Variants in SGCD observed in about 807,000 individuals in gnomAD.
SGCD encodes the protein sarcoglycan delta.
Under a neutral mutation model 36.6 loss-of-function variants are expected in SGCD, and 18 were observed. The ratio of observed to expected loss-of-function variants is 0.49; its 90% CI spans 0.34 to 0.73. The LOEUF is 0.73. SGCD is among the 30% of genes least tolerant of loss of function. The pLI is 0.01. For synonymous variants in SGCD, 133 were observed against 130.6 expected, an observed-to-expected ratio of 1.02 and a Z score of -0.12; for missense variants, 387 against 346.7, an observed-to-expected ratio of 1.12 and a Z score of -0.92.
intron 3 of SGCD, among the ~76,000 whole-genome samples, chr5:156,273,143 A>C (rs533751001): frequency 1.3e-5 from 2 of 152,302 alleles, no homozygotes; most frequent in African/African-American, 4.8e-5. Context: ...GGGGGTGGGC[A>C]TGAGGTACAC....
the SGCD span, among the ~76,000 whole-genome samples, chr5:155,820,467 C>T: frequency 4.6e-5 from 7 of 151,852 alleles, no homozygotes; most frequent in Non-Finnish European, 8.8e-5. Context: ...CGAGACTAGC[C>T]TGGGCAACAT....
At chr5:156,514,630 C>T (rs914747961) in intron 4 of SGCD, among the ~76,000 whole-genome samples, 15 of 152,156 alleles carry the variant, frequency 9.9e-5, no homozygotes, top group African/African-American at 3.6e-4. Context: ...TGAAAACCAG[C>T]ATATAGAATT....
At chr5:156,332,632 C>T (rs573685282) in intron 2 of SGCD, among the ~76,000 whole-genome samples, 5 of 152,218 alleles carry the variant, frequency 3.3e-5, no homozygotes, top group Admixed American at 6.5e-5. Context: ...TTCATTCTCT[C>T]AGAGAACACT....
chr5:155,757,694 C>CAG, the SGCD span, among the ~76,000 whole-genome samples: 1 of 152,178 alleles, frequency 6.6e-6, no homozygotes, highest in Non-Finnish European at 1.5e-5. Context: ...TCTTCAGGAT[C>CAG]AGAGTTCCTT....
At chr5:156,021,859 T>C (rs1759107942) in intron 1 of SGCD, among the ~76,000 whole-genome samples, 1 of 152,184 alleles carries the variant, frequency 6.6e-6, no homozygotes, top group South Asian at 2.1e-4. Flanking sequence ...AAATGATCTT[T>C]TTAACATAAT....
chr5:155,784,603 G>A, the SGCD span, among the ~76,000 whole-genome samples: 3 of 149,920 alleles, frequency 2.0e-5, no homozygotes, highest in African/African-American at 7.4e-5. Context: ...CCATGGGGCT[G>A]TGTTGGTTCT....
chr5:156,069,166 G>A (rs955496106), intron 1 of SGCD, among the ~76,000 whole-genome samples: 1 of 152,056 alleles, frequency 6.6e-6, no homozygotes, highest in Admixed American at 6.5e-5. Context: ...TGTTGCCATT[G>A]CTTTTGGTGT....
At chr5:156,031,028 A>G (rs149839200) in intron 1 of SGCD, among the ~76,000 whole-genome samples, 336 of 152,306 alleles carry the variant, frequency 2.2e-3, no homozygotes, top group South Asian at 6.2e-3. Context: ...ATCTGTCACC[A>G]TCTACTCAGT....
intron 7 of SGCD, among the ~76,000 whole-genome samples, chr5:156,716,287 T>C (rs1373542648): frequency 6.6e-6 from 1 of 152,326 alleles, no homozygotes; most frequent in Non-Finnish European, 1.5e-5. Flanking sequence ...TACTCAAACC[T>C]CACCACTTCC....
chr5:155,822,204 A>G, the SGCD span, among the ~76,000 whole-genome samples: 1 of 152,340 alleles, frequency 6.6e-6, no homozygotes, highest in South Asian at 2.1e-4. Flanking sequence ...TAAGACATGA[A>G]ACACATATTA....
chr5:156,428,036 G>C (rs1028501820), intron 3 of SGCD, among the ~76,000 whole-genome samples: 1 of 152,094 alleles, frequency 6.6e-6, no homozygotes, highest in South Asian at 2.1e-4. Flanking sequence ...ATTTTAAGGT[G>C]ATGCTGGCTT....
intron 3 of SGCD, among the ~76,000 whole-genome samples, chr5:156,155,359 C>T (rs1762931627): frequency 6.6e-6 from 1 of 151,590 alleles, no homozygotes; most frequent in Non-Finnish European, 1.5e-5. Context: ...CTGTAAAATA[C>T]TGTGAGTGGT....
At chr5:156,575,134 C>A (rs1759880457) in intron 4 of SGCD, among the ~76,000 whole-genome samples, 1 of 152,164 alleles carries the variant, frequency 6.6e-6, no homozygotes, top group African/African-American at 2.4e-5. Flanking sequence ...GTGGAACAGT[C>A]TTGTCTGTAT....
intron 4 of SGCD, among the ~76,000 whole-genome samples, chr5:156,514,670 A>C (rs1334623149): frequency 6.6e-6 from 1 of 152,224 alleles, no homozygotes; most frequent in Admixed American, 6.5e-5. Context: ...AGGATTTTAG[A>C]AGTGGCTTAT....
the SGCD span, among the ~76,000 whole-genome samples, chr5:155,738,978 T>A: frequency 6.6e-6 from 1 of 152,004 alleles, no homozygotes; most frequent in Admixed American, 6.6e-5. Flanking sequence ...AGAAAAAATA[T>A]TAGGAAACAT....
chr5:156,300,528 A>G (rs1253470991), intron 3 of SGCD, among the ~76,000 whole-genome samples: 1 of 152,130 alleles, frequency 6.6e-6, no homozygotes, highest in East Asian at 1.9e-4. Context: ...TTTGTGACCT[A>G]ACATATGGTC....
At chr5:156,532,674 G>C (rs1420211872) in intron 4 of SGCD, among the ~76,000 whole-genome samples, 1 of 152,058 alleles carries the variant, frequency 6.6e-6, no homozygotes, top group African/African-American at 2.4e-5. Context: ...CGTTAGCCAG[G>C]ATGGTCTCCA....
upstream of SGCD, among the ~76,000 whole-genome samples, chr5:155,869,644 ATTT>A (rs3085991): frequency 0.024 from 3,630 of 148,678 alleles, 165 homozygotes; most frequent in African/African-American, 0.082. Context: ...CCTTTGGCAG[ATTT>A]TTTTTTTTTT....
At chr5:156,707,824 G>A (rs1334968124) in intron 7 of SGCD, among the ~76,000 whole-genome samples, 3 of 152,150 alleles carry the variant, frequency 2.0e-5, no homozygotes, top group Admixed American at 6.5e-5. Context: ...TTTAAAAGAG[G>A]TACTAAGTTT....
Sources: allele counts gnomAD v4.1 joint callset (sites outside exome capture counted in the v4.1 genomes callset), GRCh38; gene constraint gnomAD v4.1.1; transcripts MANE v1.5; gene names NCBI Gene and HGNC (gene_info 2026-07-23, HGNC 2026-07-21).